Variants in SLCO2B1 observed in about 807,000 individuals in gnomAD.
The protein encoded by SLCO2B1 is solute carrier organic anion transporter family member 2B1.
SLCO2B1 carries 41 observed loss-of-function variants against 67.3 expected under a neutral mutation model. The observed-to-expected ratio is 0.61, with a 90% confidence interval of 0.47 to 0.79. The LOEUF is 0.79. Among genes scored for constraint, SLCO2B1 ranks in the 30% least tolerant of loss-of-function variants. The pLI is 0.00. For synonymous variants in SLCO2B1, 379 were observed against 381.4 expected (o/e 0.99, Z 0.07); for missense variants, 837 against 920.1 (o/e 0.91, Z 1.17).
At chr11:75,202,711 G>A (rs17133815) in intron 11 of SLCO2B1, 190 bp from the exon 12 acceptor site, 28,101 of 617,178 alleles carry the variant, frequency 0.046, 1,389 homozygotes, top group African/African-American at 0.19. Context: ...TTGTATATGG[G>A]ACCAGGCTCT....
intron 10 of SLCO2B1, among the ~76,000 whole-genome samples, chr11:75,198,415 A>G (rs1440752550): frequency 6.6e-6 from 1 of 152,236 alleles, no homozygotes; most frequent in Non-Finnish European, 1.5e-5. Context: ...GCAAAGCGCC[A>G]CATAACGTTA....
At chr11:75,151,431 G>T (rs368033691) in intron 1 of SLCO2B1, 34 bp downstream of exon 1, 47 of 1,612,342 alleles carry the variant, frequency 2.9e-5, no homozygotes, top group Non-Finnish European at 3.8e-5. Context: ...GGGCCATGGA[G>T]AGCAAGCCTG....
intron 13 of SLCO2B1, chr11:75,204,157 G>A: frequency 2.8e-6 from 1 of 363,428 alleles, no homozygotes; most frequent in South Asian, 1.2e-4. Flanking sequence ...GGCTCGGAGA[G>A]AGGCAGGGCC....
At chr11:75,153,621 G>A (rs1949715315) in intron 1 of SLCO2B1, among the ~76,000 whole-genome samples, 1 of 152,160 alleles carries the variant, frequency 6.6e-6, no homozygotes, top group Non-Finnish European at 1.5e-5. Flanking sequence ...GCATGGCCAG[G>A]GAAGGAGATA....
chr11:75,168,566 G>A (rs1949920537), intron 4 of SLCO2B1, among the ~76,000 whole-genome samples: 1 of 152,178 alleles, frequency 6.6e-6, no homozygotes, highest in South Asian at 2.1e-4. Flanking sequence ...GTCCCAAGCT[G>A]ACACTGAACC....
At chr11:75,157,718 C>T (rs933919022) in intron 1 of SLCO2B1, among the ~76,000 whole-genome samples, 3 of 152,244 alleles carry the variant, frequency 2.0e-5, no homozygotes, top group African/African-American at 7.2e-5. Context: ...TTCTTGTCCT[C>T]ACTCTTTGCT....
chr11:75,159,816 G>A, intron 1 of SLCO2B1: 1 of 984,330 alleles, frequency 1.0e-6, no homozygotes. Flanking sequence ...GTACTCCCAG[G>A]AAGGCTTTGA....
intron 1 of SLCO2B1, among the ~76,000 whole-genome samples, chr11:75,154,503 AAACAACAAC>A (rs888154598): frequency 6.6e-6 from 1 of 152,034 alleles, no homozygotes; most frequent in Non-Finnish European, 1.5e-5. Context: ...TCCATCTCAA[AAACAACAAC>A]AACAACAACA....
At chr11:75,200,743 A>C in intron 11 of SLCO2B1, 1 of 189,990 alleles carries the variant, frequency 5.3e-6, no homozygotes, top group Non-Finnish European at 1.1e-5. Flanking sequence ...AGGGCATAAT[A>C]CCTGCAATGG....
intron 7 of SLCO2B1, 86 bp from the exon 8 acceptor site, chr11:75,188,050 A>G: frequency 1.2e-6 from 1 of 845,072 alleles, no homozygotes; most frequent in Non-Finnish European, 1.9e-6. Context: ...TCTCCTCTCC[A>G]AGACCTCTCC....
chr11:75,176,452 G>C (rs1327659277), intron 7 of SLCO2B1, among the ~76,000 whole-genome samples: 1 of 152,206 alleles, frequency 6.6e-6, no homozygotes, highest in East Asian at 1.9e-4. Context: ...ATGTCTGAGA[G>C]GTTGGGATTC....
At chr11:75,190,849 T>C (rs1221796690) in intron 8 of SLCO2B1, among the ~76,000 whole-genome samples, 1 of 151,532 alleles carries the variant, frequency 6.6e-6, no homozygotes, top group South Asian at 2.1e-4. Flanking sequence ...CTGGCTTGTC[T>C]GATGGGGGAG....
chr11:75,202,338 G>C (rs1038967140), intron 11 of SLCO2B1: 1 of 154,548 alleles, frequency 6.5e-6, no homozygotes, highest in Non-Finnish European at 1.4e-5. Flanking sequence ...GGCCCTGACC[G>C]CTGTCAGCCA....
intron 1 of SLCO2B1, among the ~76,000 whole-genome samples, chr11:75,156,019 C>A (rs1949742678): frequency 6.6e-6 from 1 of 152,090 alleles, no homozygotes; most frequent in Non-Finnish European, 1.5e-5. Context: ...TGGGGAGGGG[C>A]TAACCATTGT....
chr11:75,165,559 T>C (rs1949878213), intron 3 of SLCO2B1, among the ~76,000 whole-genome samples: 1 of 152,232 alleles, frequency 6.6e-6, no homozygotes, highest in Non-Finnish European at 1.5e-5. Flanking sequence ...CCAATCTGTG[T>C]TCAAAAATGG....
intron 1 of SLCO2B1, among the ~76,000 whole-genome samples, chr11:75,155,265 C>G (rs1949734089): frequency 6.6e-6 from 1 of 152,130 alleles, no homozygotes; most frequent in Non-Finnish European, 1.5e-5. Flanking sequence ...AAGCCCAATG[C>G]CTGGAGACAT....
chr11:75,171,560 T>C (rs1949961089), intron 6 of SLCO2B1, among the ~76,000 whole-genome samples: 1 of 152,186 alleles, frequency 6.6e-6, no homozygotes, highest in Admixed American at 6.5e-5. Flanking sequence ...ACCCAGCTCA[T>C]TTGTATTTTT....
intron 7 of SLCO2B1, among the ~76,000 whole-genome samples, chr11:75,179,471 A>T (rs1312149900): frequency 1.3e-5 from 2 of 151,922 alleles, no homozygotes; most frequent in African/African-American, 4.8e-5. Flanking sequence ...ACCTCAAGTG[A>T]TCCACCCCCC....
intron 1 of SLCO2B1, 30 bp downstream of exon 1, chr11:75,151,427 T>C (rs1203146058): frequency 6.8e-6 from 11 of 1,612,968 alleles, no homozygotes; most frequent in Non-Finnish European, 9.3e-6. Context: ...GGAAGGGCCA[T>C]GGAGAGCAAG....
Sources: gnomAD v4.1 joint callset for allele counts (sites outside exome capture counted in the v4.1 genomes callset) on GRCh38, gnomAD v4.1.1 for gene constraint, MANE v1.5 for transcripts, NCBI Gene and HGNC (gene_info 2026-07-23, HGNC 2026-07-21) for gene names.